Variants in CFAP99 observed in about 807,000 individuals in gnomAD.
CFAP99 encodes the protein cilia- and flagella-associated protein 99.
In CFAP99, 84 loss-of-function variants were observed where a neutral mutation model predicts 82.7. That is an observed-to-expected ratio of 1.02 (90% CI 0.85 to 1.22). CFAP99 has a LOEUF of 1.22. CFAP99 is among the 50% of genes most tolerant of loss of function. The pLI is 0.00. For missense variants in CFAP99, 1,059 were observed against 983.5 expected, an observed-to-expected ratio of 1.08 and a Z score of -1.03; for synonymous variants, 456 against 429.5, an observed-to-expected ratio of 1.06 and a Z score of -0.76.
At chr4:2,444,998 C>A (rs11734990) in intron 5 of CFAP99, 133 bp from the exon 6 acceptor site, 1 of 527,130 alleles carries the variant, frequency 1.9e-6, no homozygotes, top group Non-Finnish European at 2.9e-6. Context: ...GAAGTGAGGC[C>A]GTCCATCCCA....
exon 3 of CFAP99, chr4:2,436,930 G>A (rs886365641): frequency 6.5e-7 from 1 of 1,535,960 alleles, no homozygotes; most frequent in African/African-American, 1.4e-5. Flanking sequence ...GGTGCCTCGA[G>A]TACCGGAAGC....
chr4:2,459,657 G>A (rs1734565177), intron 13 of CFAP99, among the ~76,000 whole-genome samples: 1 of 152,228 alleles, frequency 6.6e-6, no homozygotes, highest in South Asian at 2.1e-4. Context: ...GCCCGTGTGA[G>A]AAGGCATGAT....
Position 2,462,679 on chromosome 4 carries a change from C to A in CFAP99, c.1898C>A (p.Ala633Glu). Reference sequence around the variant, plus strand: ...GGGTGGGGATGGCGGGCGCGGCGCGCAGGGACCGGCGTCCCGGGGCGGGGA... The same window carrying A: ...GGGTGGGGATGGCGGGCGCGGCGCGAAGGGACCGGCGTCCCGGGGCGGGGA... Residue 633 changes from alanine (A) to glutamate (E), a missense_variant, in exon 15 of 15, where the codon GCA becomes GAA. Transcript: ENST00000635017. This position sits in a 1 kb window ranked among gnomAD's most constrained non-coding sequence, Gnocchi z 4.1. The A allele has an allele frequency of 7.9e-7, 1 of 1,260,730 alleles. No homozygotes were observed. Among genetic ancestry groups the A allele is most frequent in the Middle Eastern group, 3.1e-4 (1 of 3,252 alleles). The allele number at this position is 1,260,730 out of a possible 1,614,324, so 78.1% of individuals were successfully genotyped here.
intron 11 of CFAP99, among the ~76,000 whole-genome samples, chr4:2,457,618 T>A (rs913129593): frequency 6.6e-6 from 1 of 152,176 alleles, no homozygotes; most frequent in African/African-American, 2.4e-5. Context: ...CTCAGGCTGA[T>A]CTCTCTGCTG....
In CFAP99 at chr4:2,426,593, T is replaced by A; in HGVS notation, c.111+7T>A. 6.6e-7 allele frequency: 1 copy of A among 1,522,628 alleles called. No individual in the cohort carries two copies. The highest frequency in any genetic ancestry group is 8.8e-7 in the Non-Finnish European group (1 of 1,134,702). 94.3% of individuals were successfully genotyped at this position (1,522,628 alleles called of 1,614,324 possible). A position where few individuals can be genotyped will look rare whatever the true frequency, so the allele number is the denominator to read the frequency against. Reference sequence around the variant, plus strand: ...TGCGGCCACCTCCCTGCAGGTAGGATCTGCTGGGGGCTGCTGGGAGGCCAC... The same window carrying A: ...TGCGGCCACCTCCCTGCAGGTAGGAACTGCTGGGGGCTGCTGGGAGGCCAC... On this transcript the variant is annotated splice_region_variant and intron_variant, in intron 2 of 14. Transcript: ENST00000635017.
intron 2 of CFAP99, among the ~76,000 whole-genome samples, chr4:2,435,538 A>G (rs1733889079): frequency 6.6e-6 from 1 of 152,214 alleles, no homozygotes; most frequent in Non-Finnish European, 1.5e-5. Context: ...AGTTTAGCCA[A>G]TTATATTTAA....
intron 3 of CFAP99, 84 bp downstream of exon 3, chr4:2,437,102 C>A (rs938022954): frequency 1.4e-6 from 2 of 1,472,848 alleles, no homozygotes; most frequent in Non-Finnish European, 9.1e-7. Context: ...AGGCAGGCAG[C>A]GGGCAGGCGG....
intron 2 of CFAP99, among the ~76,000 whole-genome samples, chr4:2,429,692 C>T (rs182940079): frequency 2.0e-5 from 3 of 152,008 alleles, no homozygotes; most frequent in Admixed American, 6.5e-5. Flanking sequence ...CCTGGGTTCA[C>T]GCCATTCTCC....
intron 3 of CFAP99, among the ~76,000 whole-genome samples, chr4:2,437,403 G>C (rs761171911): frequency 6.6e-6 from 1 of 152,206 alleles, no homozygotes; most frequent in East Asian, 1.9e-4. Context: ...CAAGAGACTC[G>C]CTGCCTGGGC....
chr4:2,443,722 G>C (rs1734103011), intron 5 of CFAP99, among the ~76,000 whole-genome samples: 2 of 152,172 alleles, frequency 1.3e-5, no homozygotes, highest in Non-Finnish European at 2.9e-5. Context: ...GTGGATTCTG[G>C]GGTCTAGATA....
In CFAP99 at chr4:2,458,083, C is replaced by G. The variant is rs80016843; in HGVS notation, c.1162-640C>G. 5.2e-3 allele frequency among the ~76,000 whole-genome samples: 786 copies of G among 152,314 alleles called. 5 individuals carry two copies. Among genetic ancestry groups the G allele is most frequent in the African/African-American group, 0.018 (746 of 41,568 alleles). On this transcript the variant is annotated intron_variant, in intron 11 of 14. Transcript: ENST00000635017. ...AGGCACCGCCGCCCTCTTCTGCACT[C>G]CCGGCCTGAGGCGCCCAGCCGTCTC...
At chr4:2,454,725 G>A (rs1260641151) in intron 11 of CFAP99, among the ~76,000 whole-genome samples, 2 of 148,196 alleles carry the variant, frequency 1.3e-5, no homozygotes, top group African/African-American at 2.5e-5. Context: ...AGGGTCAGGC[G>A]GTTATCCTGC....
intron 2 of CFAP99, among the ~76,000 whole-genome samples, chr4:2,434,442 G>A (rs571869421): frequency 2.9e-4 from 44 of 152,348 alleles, no homozygotes; most frequent in Admixed American, 1.2e-3. Flanking sequence ...GACTGTCCCC[G>A]GGAGAATGTT....
intron 7 of CFAP99, 39 bp downstream of exon 7, chr4:2,449,789 T>A (rs1258851518): frequency 1.2e-5 from 19 of 1,531,194 alleles, no homozygotes; most frequent in Admixed American, 2.0e-5. Context: ...AGAGACCCCA[T>A]ATGAGGGATG....
chr4:2,445,253 G>A (rs1734137419), exon 6 of CFAP99: 1 of 1,424,160 alleles, frequency 7.0e-7, no homozygotes, highest in South Asian at 1.5e-5. Context: ...ACTGCCCCCA[G>A]GCCCCGCACC....
chr4:2,458,699 G>T (rs1330295711), intron 11 of CFAP99, 24 bp from the exon 12 acceptor site: 1 of 1,523,128 alleles, frequency 6.6e-7, no homozygotes, highest in Non-Finnish European at 8.8e-7. Flanking sequence ...CCCACTCACC[G>T]TGGCAGGTCC....
intron 4 of CFAP99, among the ~76,000 whole-genome samples, chr4:2,441,807 C>G (rs925152881): frequency 6.6e-6 from 1 of 152,172 alleles, no homozygotes; most frequent in Non-Finnish European, 1.5e-5. Context: ...GCTACTGGGA[C>G]GCCACCTTGT....
chr4:2,445,363 C>G (rs1734141023), intron 6 of CFAP99, 55 bp downstream of exon 6: 2 of 1,272,656 alleles, frequency 1.6e-6, no homozygotes, highest in South Asian at 2.8e-5. Context: ...GGTAGCCAAG[C>G]TGGGAGAGTG....
chr4:2,451,717 TC>T (rs772202692), intron 10 of CFAP99, among the ~76,000 whole-genome samples: 63 of 106,202 alleles, frequency 5.9e-4, no homozygotes, highest in Non-Finnish European at 1.2e-3. Context: ...GTCGTGTCTT[TC>T]CTTGTCTGCA....
Sources: allele counts gnomAD v4.1 joint callset (sites outside exome capture counted in the v4.1 genomes callset), GRCh38; gene constraint gnomAD v4.1.1; non-coding constraint Gnocchi (gnomAD v3.1); transcripts MANE v1.5; gene names NCBI Gene and HGNC (gene_info 2026-07-23, HGNC 2026-07-21).